TAFA5: variants seen among roughly 807,000 people sequenced by gnomAD.
TAFA5 encodes the protein chemokine-like protein TAFA-5.
In TAFA5, 6 loss-of-function variants were observed where a neutral mutation model predicts 15.3. That is an observed-to-expected ratio of 0.39 (90% CI 0.21 to 0.77). The LOEUF (loss-of-function observed/expected upper bound fraction) is 0.77. TAFA5 is among the 30% of genes least tolerant of loss of function. The pLI is 0.41. For synonymous variants in TAFA5, 103 were observed against 80.7 expected, an observed-to-expected ratio of 1.28 and a Z score of -1.48; for missense variants, 161 against 193.1, an observed-to-expected ratio of 0.83 and a Z score of 0.98.
chr22:48,552,058 C>G lies in TAFA5; in HGVS notation c.112+62354C>G, dbSNP rs925075904. On this transcript the variant is annotated intron_variant, in intron 1 of 3. Coordinates refer to ENST00000402357, the MANE Select transcript of TAFA5 (RefSeq NM_001082967.3). This position sits in a 1 kb window ranked among gnomAD's most constrained non-coding sequence, Gnocchi z 4.1. ...CTGTCCTCCCGGCAGGAAGCGTCCT[C>G]CAGTGCTCCCTCTGCTGTGCTCTGT... 1.2e-4 allele frequency among the ~76,000 whole-genome samples: 18 copies of G among 152,254 alleles called. No individual in the cohort carries two copies. The highest frequency in any genetic ancestry group is 2.1e-4 in the Non-Finnish European group (14 of 68,042).
chr22:48,646,630 C>A lies in TAFA5; in HGVS notation c.146C>A (p.Thr49Asn). 6.2e-7 allele frequency: 1 copy of A among 1,612,590 alleles called. No homozygotes were observed. The highest frequency in any genetic ancestry group is 8.5e-7 in the Non-Finnish European group (1 of 1,179,754). The part of the protein sequence containing the change: ...QLAAGTCEIV[T>N]LDRDSSQPRR... ...GCCGCCGGCACCTGTGAGATTGTGACCTTGGACCGGGACAGCAGCCAGCCT... is the reference window on the plus strand; with the variant it reads ...GCCGCCGGCACCTGTGAGATTGTGAACTTGGACCGGGACAGCAGCCAGCCT... Residue 49 changes from threonine (T) to asparagine (N), a missense_variant, in exon 2 of 4, where the codon ACC becomes AAC. Physicochemically the swap from Thr to Asn is moderately conservative, Grantham distance 65 (BLOSUM62 0). Transcript: ENST00000402357.
intron 1 of TAFA5, among the ~76,000 whole-genome samples, chr22:48,505,061 G>A (rs550530525): frequency 8.9e-4 from 135 of 152,336 alleles, no homozygotes; most frequent in Non-Finnish European, 1.7e-3. Flanking sequence ...AGGCATTCGG[G>A]CACCCATCTC....
chr22:48,664,070 C>T (rs1445616542), intron 2 of TAFA5, among the ~76,000 whole-genome samples: 2 of 152,214 alleles, frequency 1.3e-5, no homozygotes, highest in Admixed American at 6.5e-5. Context: ...TTTGCTGTTG[C>T]ACCCCAGACT....
rs1569157692 is a variant in TAFA5 at position 48,490,482 on chromosome 22, C to G, written c.112+778C>G. On this transcript the variant is annotated intron_variant, in intron 1 of 3. Transcript: ENST00000402357. This position sits in a 1 kb window ranked among gnomAD's most constrained non-coding sequence, Gnocchi z 5.8. ...GGTGGGGGGTGGCCTGTGCCCCTGCCGAGGCTCCAGGCGGGTGGAATGAGG... is the reference window on the plus strand; with the variant it reads ...GGTGGGGGGTGGCCTGTGCCCCTGCGGAGGCTCCAGGCGGGTGGAATGAGG... Among the ~76,000 whole-genome samples, 1 of 151,802 alleles carries G rather than the reference C, an allele frequency of 6.6e-6. No individual in the cohort carries two copies. Among genetic ancestry groups the G allele is most frequent in the East Asian group, 2.0e-4 (1 of 5,048 alleles).
At chr22:48,632,781 G>C (rs1348679607) in intron 1 of TAFA5, among the ~76,000 whole-genome samples, 1 of 152,174 alleles carries the variant, frequency 6.6e-6, no homozygotes, top group Non-Finnish European at 1.5e-5. Flanking sequence ...AGGCCTCCTC[G>C]TCATCCCTGC....
At chr22:48,624,880 A>C (rs1011559019) in intron 1 of TAFA5, among the ~76,000 whole-genome samples, 1 of 152,086 alleles carries the variant, frequency 6.6e-6, no homozygotes, top group Admixed American at 6.6e-5. Flanking sequence ...TGGGCGGATC[A>C]CCTGAGATCA....
At chr22:48,553,913 C>A (rs1054318080) in intron 1 of TAFA5, among the ~76,000 whole-genome samples, 6 of 152,204 alleles carry the variant, frequency 3.9e-5, no homozygotes, top group Non-Finnish European at 5.9e-5. Context: ...CAGCTCTTGG[C>A]CTCCGTCCTG....
At chr22:48,636,710 G>GC (rs1485753887) in intron 1 of TAFA5, among the ~76,000 whole-genome samples, 2 of 152,186 alleles carry the variant, frequency 1.3e-5, no homozygotes, top group African/African-American at 4.8e-5. Flanking sequence ...AACCCCAGGA[G>GC]CCCCCAGGGC....
intron 3 of TAFA5, among the ~76,000 whole-genome samples, chr22:48,718,362 GC>G (rs1448053347): frequency 6.6e-6 from 1 of 152,144 alleles, no homozygotes; most frequent in Non-Finnish European, 1.5e-5. Context: ...CAGCGGGGAG[GC>G]CCCCAAGCAG....
At chr22:48,648,348 C>T (rs951084798) in intron 2 of TAFA5, among the ~76,000 whole-genome samples, 5 of 152,146 alleles carry the variant, frequency 3.3e-5, no homozygotes, top group African/African-American at 1.2e-4. Context: ...TGCCCAACTT[C>T]GGATCCCACC....
rs130168 is a variant in TAFA5, at chr22:48,719,913, C to CA, written c.390+12078dup. Among the ~76,000 whole-genome samples the CA allele has an allele frequency of 4.3e-3, 654 of 151,560 alleles. 5 individuals carry two copies. Among genetic ancestry groups the CA allele is most frequent in the African/African-American group, 0.014 (584 of 41,322 alleles). ...TTCTCAGCAGAAATGAGCCCAGAAA[C>CA]AAAAAAAAATTGGTTTGACCAAACC... On this transcript the variant is annotated intron_variant, in intron 3 of 3. Coordinates refer to ENST00000402357, the MANE Select transcript of TAFA5 (RefSeq NM_001082967.3).
At chr22:48,590,498 G>GCGGATTCACA (rs1310041634) in intron 1 of TAFA5, among the ~76,000 whole-genome samples, 2 of 152,128 alleles carry the variant, frequency 1.3e-5, no homozygotes, top group Non-Finnish European at 2.9e-5. Flanking sequence ...TGCAACCCTG[G>GCGGATTCACA]CGGATTCACA....
chr22:48,727,754 A>G (rs1202306798), intron 3 of TAFA5, among the ~76,000 whole-genome samples: 3 of 152,320 alleles, frequency 2.0e-5, no homozygotes, highest in South Asian at 4.1e-4. Context: ...ATAAAGATAA[A>G]TCAGGCAAAT....
rs780734048 is a variant in TAFA5, at chr22:48,646,582, T to C, written c.113-15T>C. The C allele has an allele frequency of 6.2e-7, 1 of 1,611,918 alleles. No homozygotes were observed. The highest frequency in any genetic ancestry group is 1.7e-5 in the Admixed American group (1 of 59,982). ...TAACGTGTGGCCGCTCAGTCGCTTC[T>C]GCTCCTCTCTGCAGGTCAGCTGGCC... On this transcript the variant is annotated splice_polypyrimidine_tract_variant and intron_variant, in intron 1 of 3. Transcript: ENST00000402357.
At chr22:48,666,491 ATACTGAGGCCCATGACCAGGCGT>A (rs1355586579) in intron 2 of TAFA5, among the ~76,000 whole-genome samples, 7 of 152,346 alleles carry the variant, frequency 4.6e-5, no homozygotes, top group African/African-American at 9.6e-5. Flanking sequence ...TGATGAGCCA[ATACTGAGGCCCATGACCAGGCGT>A]TACTGAGGCC....
At chr22:48,701,686 C>G (rs1928911139) in intron 2 of TAFA5, among the ~76,000 whole-genome samples, 2 of 152,212 alleles carry the variant, frequency 1.3e-5, no homozygotes, top group South Asian at 4.1e-4. Context: ...GACCTGTGGC[C>G]AGCCAGGCCC....
chr22:48,544,469 C>T (rs936946268), intron 1 of TAFA5: 9 of 349,300 alleles, frequency 2.6e-5, no homozygotes, highest in African/African-American at 1.1e-4. Context: ...ACAAGGCAGC[C>T]GTTTGTTGAA....
intron 2 of TAFA5, among the ~76,000 whole-genome samples, chr22:48,655,724 T>C (rs1927213065): frequency 6.6e-6 from 1 of 151,612 alleles, no homozygotes; most frequent in Non-Finnish European, 1.5e-5. Flanking sequence ...AGCTGTGGCC[T>C]CAAGCAGGTC....
At chr22:48,746,319 C>T (rs1258849480) in intron 3 of TAFA5, among the ~76,000 whole-genome samples, 1 of 151,964 alleles carries the variant, frequency 6.6e-6, no homozygotes, top group Non-Finnish European at 1.5e-5. Context: ...CCGTCACTCT[C>T]ATTTTCAACA....
Sources: gnomAD v4.1 joint callset for allele counts (sites outside exome capture counted in the v4.1 genomes callset) on GRCh38, gnomAD v4.1.1 for gene constraint, Gnocchi (gnomAD v3.1) non-coding constraint, MANE v1.5 for transcripts, NCBI Gene and HGNC (gene_info 2026-07-23, HGNC 2026-07-21) for gene names.